The following MOB1B variants were observed in gnomAD, a reference collection of about 807,000 sequenced individuals.
The protein encoded by MOB1B is MOB kinase activator 1B.
Under a neutral mutation model 24.4 loss-of-function variants are expected in MOB1B, and 19 were observed. The observed-to-expected ratio is 0.78, with a 90% confidence interval of 0.54 to 1.14. The LOEUF (loss-of-function observed/expected upper bound fraction) is 1.14. MOB1B is among the 50% of genes most tolerant of loss of function. The pLI is 0.00. For missense variants in MOB1B, 243 were observed against 259.6 expected (o/e 0.94, Z 0.44); for synonymous variants, 76 against 82.1 (o/e 0.93, Z 0.40).
chr4:70,923,480 G>A (rs2054413), intron 1 of MOB1B, among the ~76,000 whole-genome samples: 2,492 of 152,200 alleles, frequency 0.016, 67 homozygotes, highest in African/African-American at 0.055. Context: ...TGGGATTATA[G>A]GCATGAGCTA....
At chr4:70,957,259 CAAAAA>C (rs1247828205) in intron 1 of MOB1B, among the ~76,000 whole-genome samples, 1 of 63,510 alleles carries the variant, frequency 1.6e-5, no homozygotes, top group Admixed American at 1.7e-4. Context: ...GACTATGTCT[CAAAAA>C]AAAAAAAAAA....
At chr4:70,913,603 T>C (rs916547631) in intron 1 of MOB1B, among the ~76,000 whole-genome samples, 5 of 152,202 alleles carry the variant, frequency 3.3e-5, no homozygotes. Context: ...TGTGCATTTT[T>C]CTTACTGCAT....
upstream of MOB1B, chr4:70,902,264 G>C (rs1735536853): frequency 1.8e-6 from 1 of 569,460 alleles, no homozygotes; most frequent in East Asian, 3.2e-5. Context: ...GGGCGGCGGG[G>C]AGCTGGGGAG....
At chr4:70,917,082 C>T (rs1736225531) in intron 1 of MOB1B, among the ~76,000 whole-genome samples, 1 of 152,134 alleles carries the variant, frequency 6.6e-6, no homozygotes, top group Admixed American at 6.5e-5. Context: ...TACTTTTAAC[C>T]TTGGAAAAAG....
intron 1 of MOB1B, among the ~76,000 whole-genome samples, chr4:70,908,615 A>G (rs1263441068): frequency 6.7e-6 from 1 of 149,234 alleles, no homozygotes; most frequent in Non-Finnish European, 1.5e-5. Context: ...TTTACTAAAA[A>G]TACAAAAAAA....
At chr4:70,971,893 CTT>C (rs1428953653) in intron 3 of MOB1B, among the ~76,000 whole-genome samples, 1 of 151,990 alleles carries the variant, frequency 6.6e-6, no homozygotes, top group Non-Finnish European at 1.5e-5. Context: ...GCTTCCCTCT[CTT>C]TCTCTTCTTT....
At chr4:70,958,188 G>C (rs1468385303) in intron 1 of MOB1B, among the ~76,000 whole-genome samples, 2 of 147,722 alleles carry the variant, frequency 1.4e-5, no homozygotes, top group Non-Finnish European at 3.0e-5. Context: ...TTTTTGAGAC[G>C]GAATCTCACT....
intron 1 of MOB1B, among the ~76,000 whole-genome samples, chr4:70,944,512 T>C (rs1004706999): frequency 1.2e-4 from 19 of 152,174 alleles, no homozygotes; most frequent in African/African-American, 4.3e-4. Context: ...ATTTTAAGAT[T>C]GTTGTCAAAT....
At chr4:70,958,724 G>A (rs373891200) in intron 1 of MOB1B, 150 bp from the exon 2 acceptor site, 1 of 856,114 alleles carries the variant, frequency 1.2e-6, no homozygotes, top group South Asian at 1.3e-5. Flanking sequence ...GAGAAAGTTT[G>A]TAGGAGTTTT....
chr4:70,963,419 A>G (rs568836210), intron 2 of MOB1B, among the ~76,000 whole-genome samples: 1 of 152,358 alleles, frequency 6.6e-6, no homozygotes, highest in South Asian at 2.1e-4. Context: ...GAATCATACA[A>G]TGAGTAGGAT....
chr4:70,915,648 C>G (rs1032934999), intron 1 of MOB1B, among the ~76,000 whole-genome samples: 2 of 152,112 alleles, frequency 1.3e-5, no homozygotes, highest in African/African-American at 4.8e-5. Context: ...ATGTTCCGTG[C>G]CTTCAGGCCC....
At chr4:70,964,760 T>C in intron 2 of MOB1B, among the ~76,000 whole-genome samples, 1 of 151,716 alleles carries the variant, frequency 6.6e-6, no homozygotes, top group East Asian at 1.9e-4. Context: ...CGAAACCCCA[T>C]CTCTACTAAA....
chr4:70,972,918 T>C (rs918621166), intron 3 of MOB1B, among the ~76,000 whole-genome samples: 11 of 152,004 alleles, frequency 7.2e-5, no homozygotes, highest in East Asian at 1.9e-4. Flanking sequence ...GGACTACAGG[T>C]GCCTGCCACC....
chr4:70,975,676 T>A, intron 4 of MOB1B: 1 of 959,382 alleles, frequency 1.0e-6, no homozygotes, highest in East Asian at 1.1e-4. Flanking sequence ...ATGATCATCA[T>A]TGAGAATAAA....
chr4:70,968,599 C>T (rs1738632950), intron 2 of MOB1B, among the ~76,000 whole-genome samples: 1 of 152,054 alleles, frequency 6.6e-6, no homozygotes, highest in Admixed American at 6.6e-5. Context: ...GCGTGAGCCA[C>T]CGCGCCCAGC....
intron 1 of MOB1B, among the ~76,000 whole-genome samples, chr4:70,913,648 A>G (rs1736086947): frequency 6.6e-6 from 1 of 151,936 alleles, no homozygotes. Flanking sequence ...TTTGTCCATT[A>G]TTGGTGGTGT....
chr4:70,954,165 G>T (rs1737933445), intron 1 of MOB1B, among the ~76,000 whole-genome samples: 1 of 152,130 alleles, frequency 6.6e-6, no homozygotes, highest in Admixed American at 6.5e-5. Context: ...CAGTCTTGAG[G>T]GATAGAATAG....
At chr4:70,940,098 T>C (rs1578371284) in intron 1 of MOB1B, among the ~76,000 whole-genome samples, 1 of 152,252 alleles carries the variant, frequency 6.6e-6, no homozygotes. Context: ...CCAGCCGCTT[T>C]TGTCTTCTTC....
intron 1 of MOB1B, among the ~76,000 whole-genome samples, chr4:70,910,672 A>G (rs893053091): frequency 3.3e-5 from 5 of 152,142 alleles, no homozygotes; most frequent in Non-Finnish European, 7.4e-5. Context: ...TGTAAAAATA[A>G]TATACATGTT....
Sources: allele counts gnomAD v4.1 joint callset (sites outside exome capture counted in the v4.1 genomes callset), GRCh38; gene constraint gnomAD v4.1.1; transcripts MANE v1.5; gene names NCBI Gene and HGNC (gene_info 2026-07-23, HGNC 2026-07-21).